Variants in C2orf66 observed in about 807,000 individuals in gnomAD.
The protein encoded by C2orf66 is uncharacterized protein C2orf66.
C2orf66 carries 6 observed loss-of-function variants against 7.0 expected under a neutral mutation model. That is an observed-to-expected ratio of 0.86 (90% CI 0.47 to 1.69). The LOEUF (loss-of-function observed/expected upper bound fraction) is 1.69, where lower values mean the gene tolerates loss of function less well. Among genes scored for constraint, C2orf66 ranks in the 40% most tolerant of loss-of-function variants. C2orf66 has a pLI of 0.01. For synonymous variants in C2orf66, 38 were observed against 43.8 expected (o/e 0.87, Z 0.52); for missense variants, 107 against 112.0 (o/e 0.96, Z 0.20).
chr2:196,812,226 TTAAAGTA>T (rs1699884032), upstream of C2orf66, among the ~76,000 whole-genome samples: 1 of 152,136 alleles, frequency 6.6e-6, no homozygotes, highest in Non-Finnish European at 1.5e-5. Flanking sequence ...CCCCAGGACT[TTAAAGTA>T]TATAATAATA....
In C2orf66 at chr2:196,807,772, T is replaced by C. The variant is rs1425618269; in HGVS notation, c.124-150A>G. The C allele has an allele frequency of 6.2e-6, 4 of 640,702 alleles. No homozygotes were observed. The South Asian group carries it at 7.8e-5, about 12-fold the overall frequency. 39.7% of individuals were successfully genotyped at this position (640,702 alleles called of 1,614,324 possible). A position where few individuals can be genotyped will look rare whatever the true frequency, so the allele number is the denominator to read the frequency against. The stretch of plus-strand genomic sequence containing the variant: ...AAATCTAGAAATACAAGTACATGCT[T>C]CAGCTACTTCTCCTCCCCTCCTCTG... On this transcript the variant is annotated intron_variant, in intron 1 of 2. Coordinates refer to ENST00000342506, the MANE Select transcript of C2orf66 (RefSeq NM_213608.3).
the C2orf66 span, among the ~76,000 whole-genome samples, chr2:196,828,228 T>TCACACACACA: frequency 1.6e-5 from 2 of 127,328 alleles, no homozygotes; most frequent in African/African-American, 3.5e-5. Context: ...TCTCTCTCTC[T>TCACACACACA]CTCACACACA....
At chr2:196,823,862 G>A in the C2orf66 span, among the ~76,000 whole-genome samples, 1 of 152,070 alleles carries the variant, frequency 6.6e-6, no homozygotes, top group Non-Finnish European at 1.5e-5. Flanking sequence ...ATTTATGAAT[G>A]AAGACACAGA....
At chr2:196,825,199 G>A in the C2orf66 span, among the ~76,000 whole-genome samples, 2 of 147,532 alleles carry the variant, frequency 1.4e-5, no homozygotes, top group Non-Finnish European at 3.0e-5. Context: ...CTCCAGCCTG[G>A]GCAACAGAGT....
At chr2:196,821,917 G>C in the C2orf66 span, among the ~76,000 whole-genome samples, 1 of 115,124 alleles carries the variant, frequency 8.7e-6, no homozygotes, top group African/African-American at 3.2e-5. Context: ...CTCTGAAATA[G>C]AACCAGTGAG....
the C2orf66 span, among the ~76,000 whole-genome samples, chr2:196,825,196 C>A: frequency 6.3e-3 from 884 of 140,898 alleles, 7 homozygotes; most frequent in African/African-American, 0.022. Flanking sequence ...GCACTCCAGC[C>A]TGGGCAACAG....
At chr2:196,808,190 C>G (rs1288781609) in intron 1 of C2orf66, among the ~76,000 whole-genome samples, 1 of 152,160 alleles carries the variant, frequency 6.6e-6, no homozygotes, top group Non-Finnish European at 1.5e-5. Flanking sequence ...AGGTACTGCT[C>G]CTGCCAGAAC....
chr2:196,816,898 A>C, the C2orf66 span, among the ~76,000 whole-genome samples: 24 of 152,328 alleles, frequency 1.6e-4, no homozygotes, highest in Middle Eastern at 3.4e-3. Flanking sequence ...TGAGAAATAA[A>C]GAGAAAGAGT....
chr2:196,817,826 G>A, the C2orf66 span, among the ~76,000 whole-genome samples: 1 of 152,152 alleles, frequency 6.6e-6, no homozygotes, highest in Admixed American at 6.5e-5. Flanking sequence ...CCATTTATAG[G>A]CTCTCTGCAA....
the C2orf66 span, among the ~76,000 whole-genome samples, chr2:196,818,934 T>C: frequency 3.3e-5 from 5 of 152,194 alleles, no homozygotes; most frequent in Admixed American, 3.3e-4. Flanking sequence ...GGTATCTGGA[T>C]GCCCATAAAA....
chr2:196,831,682 G>T, the C2orf66 span, among the ~76,000 whole-genome samples: 1 of 152,096 alleles, frequency 6.6e-6, no homozygotes, highest in South Asian at 2.1e-4. Context: ...TTGGGCGTCC[G>T]GTGGGCAGGC....
At chr2:196,822,135 G>A in the C2orf66 span, among the ~76,000 whole-genome samples, 6 of 151,266 alleles carry the variant, frequency 4.0e-5, no homozygotes, top group Non-Finnish European at 7.4e-5. Flanking sequence ...GGATGGTCTC[G>A]ATCTCCTGAC....
the C2orf66 span, among the ~76,000 whole-genome samples, chr2:196,825,099 C>T: frequency 1.3e-5 from 2 of 151,392 alleles, no homozygotes; most frequent in Admixed American, 1.3e-4. Context: ...CCAGGCATGG[C>T]AGCATGTGCC....
chr2:196,807,532 G>T lies in C2orf66; in HGVS notation c.214C>A (p.Pro72Thr). Residue 72 changes from proline to threonine, a missense_variant, in exon 2 of 3, where the codon CCT becomes ACT. By Grantham distance (38) the Pro-to-Thr change is conservative (BLOSUM62 -1). Transcript: ENST00000342506. ...NPFPTNENPR[P>T]LSFQSELTAS... ...GTAAGTTCTGACTGGAAAGAGAGAG[G>T]TCTAGGATTTTCATTCGTGGGGAAA... The T allele has an allele frequency of 6.2e-7, 1 of 1,613,404 alleles. No individual in the cohort carries two copies. Among genetic ancestry groups the T allele is most frequent in the Non-Finnish European group, 8.5e-7 (1 of 1,179,428 alleles).
At chr2:196,816,895 T>C in the C2orf66 span, among the ~76,000 whole-genome samples, 1 of 151,992 alleles carries the variant, frequency 6.6e-6, no homozygotes, top group Non-Finnish European at 1.5e-5. Context: ...GGCTGAGAAA[T>C]AAAGAGAAAG....
rs759546884 is a variant in C2orf66, at chr2:196,804,665, G to C, written c.*763C>G. ...ATGAGCTAGAGTAAGGAGAGCAGGGGCTGGTTGGAAAGAGAGGAAATCACC... is the reference window on the plus strand; with the variant it reads ...ATGAGCTAGAGTAAGGAGAGCAGGGCCTGGTTGGAAAGAGAGGAAATCACC... On this transcript the variant is annotated 3_prime_UTR_variant, in exon 3 of 3. Transcript: ENST00000342506. Among the ~76,000 whole-genome samples, 3 of 152,228 alleles carry C rather than the reference G, an allele frequency of 2.0e-5. No homozygotes were observed. The highest frequency in any genetic ancestry group is 2.9e-5 in the Non-Finnish European group (2 of 68,042).
At chr2:196,819,742 T>C in the C2orf66 span, among the ~76,000 whole-genome samples, 17,179 of 152,290 alleles carry the variant, frequency 0.11, 1,046 homozygotes, top group Non-Finnish European at 0.14. Flanking sequence ...CAAATGTTTA[T>C]GGAATTAAAA....
chr2:196,827,808 T>A, the C2orf66 span, among the ~76,000 whole-genome samples: 1 of 152,222 alleles, frequency 6.6e-6, no homozygotes, highest in African/African-American at 2.4e-5. Context: ...TGTGTTAATA[T>A]GAACATACCT....
chr2:196,827,178 G>A, the C2orf66 span, among the ~76,000 whole-genome samples: 1 of 147,304 alleles, frequency 6.8e-6, no homozygotes, highest in African/African-American at 2.5e-5. Context: ...GGCCAAGGCT[G>A]TAGTGAGCCA....
Sources: allele counts gnomAD v4.1 joint callset (sites outside exome capture counted in the v4.1 genomes callset), GRCh38; gene constraint gnomAD v4.1.1; transcripts MANE v1.5; gene names NCBI Gene and HGNC (gene_info 2026-07-23, HGNC 2026-07-21).